Variants in ARSB observed in about 807,000 individuals in gnomAD.
ARSB encodes arylsulfatase B, also known as N-acetylgalactosamine-4-sulfatase.
ARSB carries 41 observed loss-of-function variants against 50.9 expected under a neutral mutation model. That is an observed-to-expected ratio of 0.81 (90% CI 0.63 to 1.04). ARSB has a LOEUF of 1.04. Among genes scored for constraint, ARSB ranks in the 50% least tolerant of loss-of-function variants. The pLI, the probability that ARSB is intolerant of heterozygous loss-of-function variation, is 0.00. For synonymous variants in ARSB, 269 were observed against 284.8 expected (o/e 0.94, Z 0.56); for missense variants, 672 against 693.3 (o/e 0.97, Z 0.35).
At chr5:78,934,268 T>G (rs1042258780) in intron 4 of ARSB, among the ~76,000 whole-genome samples, 5 of 152,298 alleles carry the variant, frequency 3.3e-5, no homozygotes, top group African/African-American at 1.2e-4. Context: ...CATTATTTGG[T>G]GTTAGTATTA....
intron 5 of ARSB, chr5:78,885,219 TCC>T: frequency 3.1e-6 from 1 of 323,038 alleles, no homozygotes; most frequent in Non-Finnish European, 5.6e-6. Context: ...TCCAGCTTTT[TCC>T]CTGCTGTTTT....
At chr5:78,807,482 T>C (rs1337516098) in intron 6 of ARSB, among the ~76,000 whole-genome samples, 1 of 152,138 alleles carries the variant, frequency 6.6e-6, no homozygotes, top group Non-Finnish European at 1.5e-5. Flanking sequence ...GTGATTCACC[T>C]CAACAGAGCC....
At chr5:78,960,733 T>G (rs1176365087) in intron 3 of ARSB, among the ~76,000 whole-genome samples, 2 of 152,058 alleles carry the variant, frequency 1.3e-5, no homozygotes, top group African/African-American at 4.8e-5. Context: ...CCTGGCTAAT[T>G]TTTGTATTTT....
chr5:78,915,340 T>C (rs1749498506), intron 4 of ARSB, among the ~76,000 whole-genome samples: 1 of 152,108 alleles, frequency 6.6e-6, no homozygotes, highest in African/African-American at 2.4e-5. Context: ...CTTTCTGAGC[T>C]GCATTGATAC....
At chr5:78,835,704 G>A (rs1744919798) in intron 6 of ARSB, among the ~76,000 whole-genome samples, 1 of 152,142 alleles carries the variant, frequency 6.6e-6, no homozygotes, top group Admixed American at 6.5e-5. Context: ...GCAGAAAAAG[G>A]AGAGAAGCAG....
chr5:78,972,545 C>CACACACACACACACACACA (rs1752501584), intron 1 of ARSB, among the ~76,000 whole-genome samples: 1 of 71,992 alleles, frequency 1.4e-5, no homozygotes, highest in African/African-American at 7.4e-5. Context: ...ACACACACAC[C>CACACACACACACACACACA]CCAAATCAAA....
intron 6 of ARSB, among the ~76,000 whole-genome samples, chr5:78,789,658 A>G (rs1749184262): frequency 6.6e-6 from 1 of 152,230 alleles, no homozygotes; most frequent in Non-Finnish European, 1.5e-5. Flanking sequence ...GAATTCAAGA[A>G]GGACTCAATT....
At chr5:78,860,887 A>G (rs1179578713) in intron 5 of ARSB, among the ~76,000 whole-genome samples, 1 of 152,260 alleles carries the variant, frequency 6.6e-6, no homozygotes, top group Non-Finnish European at 1.5e-5. Context: ...AGAAGAAAAG[A>G]GAGAAGAATC....
At chr5:78,840,188 T>G (rs199701346) in intron 5 of ARSB, among the ~76,000 whole-genome samples, 1 of 152,236 alleles carries the variant, frequency 6.6e-6, no homozygotes, top group Non-Finnish European at 1.5e-5. Context: ...ATTTTGCTAG[T>G]GTAGACTCAG....
chr5:78,889,004 A>C (rs1343646525), intron 4 of ARSB, among the ~76,000 whole-genome samples: 2 of 152,234 alleles, frequency 1.3e-5, no homozygotes, highest in Non-Finnish European at 2.9e-5. Context: ...GCCTCAGCAG[A>C]AGGGCAGTTC....
intron 5 of ARSB, among the ~76,000 whole-genome samples, chr5:78,856,173 T>C (rs1004007050): frequency 2.0e-5 from 3 of 152,216 alleles, no homozygotes; most frequent in Non-Finnish European, 4.4e-5. Context: ...CCAATGGAAC[T>C]ATCTTGGCAC....
chr5:78,889,843 C>T (rs1748201175), intron 4 of ARSB, among the ~76,000 whole-genome samples: 1 of 152,198 alleles, frequency 6.6e-6, no homozygotes, highest in African/African-American at 2.4e-5. Flanking sequence ...CCTGAAACAT[C>T]ATCTCTACCC....
At chr5:78,782,005 C>G (rs927277945) in intron 6 of ARSB, 31 bp from the exon 7 acceptor site, 8 of 1,613,656 alleles carry the variant, frequency 5.0e-6, no homozygotes, top group Non-Finnish European at 6.8e-6. Context: ...AGAATTAGAT[C>G]ACTGTTATTG....
At chr5:78,791,774 A>G (rs1749241671) in intron 6 of ARSB, among the ~76,000 whole-genome samples, 1 of 152,222 alleles carries the variant, frequency 6.6e-6, no homozygotes, top group African/African-American at 2.4e-5. Flanking sequence ...CCTAAAATTA[A>G]TTCCCTAAAA....
chr5:78,872,559 C>T (rs1370784111), intron 5 of ARSB, among the ~76,000 whole-genome samples: 5 of 136,756 alleles, frequency 3.7e-5, no homozygotes, highest in African/African-American at 1.1e-4. Context: ...AGTAAACTAT[C>T]GCAAGAACAA....
intron 6 of ARSB, among the ~76,000 whole-genome samples, chr5:78,785,059 A>T (rs1296885092): frequency 1.3e-5 from 2 of 152,124 alleles, no homozygotes; most frequent in East Asian, 3.9e-4. Flanking sequence ...TGGCCTCCCA[A>T]AGTGCTGGGA....
intron 6 of ARSB, among the ~76,000 whole-genome samples, chr5:78,788,903 A>G (rs2112628773): frequency 6.6e-6 from 1 of 152,318 alleles, no homozygotes; most frequent in Middle Eastern, 3.4e-3. Context: ...GTGCTGAGGT[A>G]TTATAAGTGT....
intron 6 of ARSB, among the ~76,000 whole-genome samples, chr5:78,830,824 C>T (rs548364887): frequency 2.6e-5 from 4 of 152,306 alleles, no homozygotes; most frequent in East Asian, 1.9e-4. Context: ...GAAAATTTGA[C>T]GAGCTGCTAA....
At chr5:78,924,526 A>C (rs919284003) in intron 4 of ARSB, among the ~76,000 whole-genome samples, 2 of 152,038 alleles carry the variant, frequency 1.3e-5, no homozygotes, top group African/African-American at 4.8e-5. Context: ...TTGGCTTCCC[A>C]CCTTCTCCCT....
Sources: allele counts gnomAD v4.1 joint callset (sites outside exome capture counted in the v4.1 genomes callset), GRCh38; gene constraint gnomAD v4.1.1; transcripts MANE v1.5; gene names NCBI Gene and HGNC (gene_info 2026-07-23, HGNC 2026-07-21).